The following SH2D4A variants were observed in gnomAD, a reference collection of about 807,000 sequenced individuals.
SH2D4A encodes SH2 domain containing 4A.
SH2D4A carries 70 observed loss-of-function variants against 64.7 expected under a neutral mutation model. The ratio of observed to expected loss-of-function variants is 1.08; its 90% CI spans 0.89 to 1.32. The LOEUF is 1.32. SH2D4A is among the 40% of genes most tolerant of loss of function. SH2D4A has a pLI of 0.00. For synonymous variants in SH2D4A, 268 were observed against 200.7 expected, an observed-to-expected ratio of 1.34 and a Z score of -2.83; for missense variants, 706 against 540.1, an observed-to-expected ratio of 1.31 and a Z score of -3.04.
In SH2D4A at chr8:19,394,604, C is replaced by T; in HGVS notation, c.1327C>T (p.Gln443Ter). The change falls in exon 10 of 10, where the codon CAG becomes TAG. Residue 443 changes from glutamine (Q) to a stop codon, truncating the protein, a stop_gained. Transcript: ENST00000265807. LOFTEE classifies it high-confidence loss of function. ...GCTCCTTCTCTATCCCTGTGGTCAG[C>T]AGGACCAGCTGCCTGACTACCTGGA... The part of the protein sequence containing the change: ...KELLLYPCGQ[Q>*]DQLPDYLELF... The T allele has an allele frequency of 6.2e-7, 1 of 1,611,142 alleles. No individual in the cohort carries two copies. The highest frequency in any genetic ancestry group is 8.5e-7 in the Non-Finnish European group (1 of 1,178,326).
intron 5 of SH2D4A, among the ~76,000 whole-genome samples, chr8:19,358,113 TA>T (rs1209820421): frequency 6.6e-6 from 1 of 152,230 alleles, no homozygotes; most frequent in East Asian, 1.9e-4. Flanking sequence ...TACTTCTTTC[TA>T]AAACAGCAGC....
chr8:19,360,000 C>G (rs2052854481), intron 5 of SH2D4A, among the ~76,000 whole-genome samples: 1 of 152,180 alleles, frequency 6.6e-6, no homozygotes, highest in African/African-American at 2.4e-5. Flanking sequence ...TTTATTAGTC[C>G]ACCAAACTGT....
At chr8:19,317,821 C>A (rs536096166) in intron 1 of SH2D4A, among the ~76,000 whole-genome samples, 1 of 152,094 alleles carries the variant, frequency 6.6e-6, no homozygotes, top group African/African-American at 2.4e-5. Context: ...GGAGAAACAA[C>A]GTATTTGAGA....
intron 1 of SH2D4A, among the ~76,000 whole-genome samples, chr8:19,315,807 G>C (rs2052078221): frequency 6.6e-6 from 1 of 152,218 alleles, no homozygotes; most frequent in African/African-American, 2.4e-5. Flanking sequence ...AAGTAGGAAA[G>C]CCCTAGTTAG....
At chr8:19,323,045 T>G (rs557859615) in intron 2 of SH2D4A, among the ~76,000 whole-genome samples, 25 of 152,196 alleles carry the variant, frequency 1.6e-4, no homozygotes, top group Admixed American at 1.6e-3. Flanking sequence ...GAATTTAACT[T>G]AGTACTATAT....
intron 1 of SH2D4A, among the ~76,000 whole-genome samples, chr8:19,317,692 G>T (rs1215171240): frequency 6.6e-6 from 1 of 152,052 alleles, no homozygotes; most frequent in Non-Finnish European, 1.5e-5. Flanking sequence ...TGGTGAGAGG[G>T]GCATTACAAA....
At position 19,394,532 on chromosome 8, in the gene SH2D4A, G is replaced by A. The variant is rs534680596; in HGVS notation, c.1273-18G>A. ...GTCACTACTTACACTATCTGACCCC[G>A]TGCCTTCTGATTGACAGGAGGAACC... On this transcript the variant is annotated intron_variant, in intron 9 of 9. Transcript: ENST00000265807. 1.4e-4 allele frequency: 214 copies of A among 1,581,604 alleles called. 1 individual carries two copies. The highest frequency in any genetic ancestry group is 8.4e-4 in the South Asian group (74 of 87,784).
intron 6 of SH2D4A, among the ~76,000 whole-genome samples, chr8:19,363,457 C>T (rs1377602578): frequency 1.3e-5 from 2 of 152,184 alleles, no homozygotes; most frequent in African/African-American, 4.8e-5. Context: ...TTATTTCTCT[C>T]ATTAAGTCAC....
rs766994363 is a variant in SH2D4A at position 19,357,160 on chromosome 8, C to T, written c.514-43C>T. 7 of 1,443,928 alleles carry T rather than the reference C, an allele frequency of 4.8e-6. No individual in the cohort carries two copies. The African/African-American group carries it at 9.8e-5, about 20-fold the overall frequency. 89.4% of individuals were successfully genotyped at this position (1,443,928 alleles called of 1,614,324 possible). A position where few individuals can be genotyped will look rare whatever the true frequency, so the allele number is the denominator to read the frequency against. ...TGACAGATTATCTTATGAAACTGCA[C>T]TGCAGCTCCAAATGCCATAAATGTG... On this transcript the variant is annotated intron_variant, in intron 4 of 9. Transcript: ENST00000265807.
In SH2D4A at chr8:19,393,420, C is replaced by A. The variant is rs749946050; in HGVS notation, c.1151C>A (p.Ser384Tyr). 2 of 1,614,232 alleles carry A rather than the reference C, an allele frequency of 1.2e-6. No homozygotes were observed. Among genetic ancestry groups the A allele is most frequent in the South Asian group, 1.1e-5 (1 of 91,084 alleles). The change falls in exon 9 of 10, where the codon TCC becomes TAC. Residue 384 changes from serine (S) to tyrosine (Y), a missense_variant. Transcript: ENST00000265807. The part of the protein sequence containing the change: ...VSERIKGYAL[S>Y]YLSEDGCKHF... ...GAAAGGATCAAAGGCTATGCCCTGTCCTATCTGTCGGAGGACGGCTGTAAA... is the reference window on the plus strand; with the variant it reads ...GAAAGGATCAAAGGCTATGCCCTGTACTATCTGTCGGAGGACGGCTGTAAA...
At chr8:19,334,138 C>T (rs2052403845) in intron 3 of SH2D4A, among the ~76,000 whole-genome samples, 1 of 152,088 alleles carries the variant, frequency 6.6e-6, no homozygotes, top group Non-Finnish European at 1.5e-5. Flanking sequence ...GTGATGTTGA[C>T]AGCCTTACCC....
intron 4 of SH2D4A, among the ~76,000 whole-genome samples, chr8:19,339,539 C>A (rs1285661889): frequency 1.3e-5 from 2 of 148,376 alleles, no homozygotes; most frequent in African/African-American, 5.0e-5. Flanking sequence ...TCTCCCTCTC[C>A]CCGAGGCTGC....
rs190593762 is a variant in SH2D4A, at chr8:19,378,465, C to T, written c.1048+4805C>T. ...TGGTTGTTGTTTTGAGATGGAGTCT[C>T]GCTCTTGTTGCCCAGGCTGGAGTGC... On this transcript the variant is annotated intron_variant, in intron 8 of 9. Transcript: ENST00000265807. 6.6e-5 allele frequency among the ~76,000 whole-genome samples: 10 copies of T among 152,274 alleles called. No individual in the cohort carries two copies. In the South Asian group the frequency reaches 8.3e-4, roughly 13 times the overall value.
At chr8:19,375,083 C>G (rs548457193) in intron 8 of SH2D4A, 9 of 152,164 alleles carry the variant, frequency 5.9e-5, no homozygotes, top group African/African-American at 2.2e-4. Flanking sequence ...AAGACAGAGA[C>G]TAAAAATCGA....
chr8:19,387,856 T>G (rs1038242402), intron 8 of SH2D4A, among the ~76,000 whole-genome samples: 2 of 152,228 alleles, frequency 1.3e-5, no homozygotes, highest in African/African-American at 4.8e-5. Context: ...CATGAAGAAC[T>G]GTGTGGCACA....
intron 8 of SH2D4A, among the ~76,000 whole-genome samples, chr8:19,380,216 G>A (rs773391499): frequency 9.2e-5 from 14 of 152,118 alleles, no homozygotes; most frequent in Non-Finnish European, 2.1e-4. Context: ...CCCAGTTTTG[G>A]ATTGGGTTCT....
At chr8:19,361,891 G>C (rs2052895672) in intron 6 of SH2D4A, among the ~76,000 whole-genome samples, 1 of 152,108 alleles carries the variant, frequency 6.6e-6, no homozygotes, top group Non-Finnish European at 1.5e-5. Flanking sequence ...GGATGTGTTA[G>C]CATCCCGCTC....
intron 5 of SH2D4A, among the ~76,000 whole-genome samples, chr8:19,359,141 C>T (rs1335436007): frequency 1.3e-5 from 2 of 152,156 alleles, no homozygotes; most frequent in Admixed American, 1.3e-4. Flanking sequence ...CTTACGTTTT[C>T]TAGCTTTCTT....
chr8:19,324,231 T>C (rs1288492701), intron 2 of SH2D4A, among the ~76,000 whole-genome samples: 2 of 152,066 alleles, frequency 1.3e-5, no homozygotes, highest in South Asian at 2.1e-4. Context: ...TTTCATGGGG[T>C]CTATGTCAAG....
Sources: allele counts gnomAD v4.1 joint callset (sites outside exome capture counted in the v4.1 genomes callset), GRCh38; gene constraint gnomAD v4.1.1; transcripts MANE v1.5; gene names NCBI Gene and HGNC (gene_info 2026-07-23, HGNC 2026-07-21).